SPTLC2: variants seen among roughly 807,000 people sequenced by gnomAD.
SPTLC2 encodes the protein serine palmitoyltransferase 2.
A neutral mutation model predicts 62.0 loss-of-function variants in SPTLC2; 21 were observed. The observed-to-expected ratio is 0.34, with a 90% confidence interval of 0.24 to 0.49. The LOEUF (loss-of-function observed/expected upper bound fraction) is 0.49. Ranked by LOEUF, SPTLC2 falls within the 20% of genes least tolerant of loss-of-function variation. The pLI is 0.99. For missense variants in SPTLC2, 511 were observed against 713.0 expected, an observed-to-expected ratio of 0.72 and a Z score of 3.23; for synonymous variants, 261 against 261.8, an observed-to-expected ratio of 1.00 and a Z score of 0.03.
intron 1 of SPTLC2, among the ~76,000 whole-genome samples, chr14:77,610,437 TG>T (rs1453413955): frequency 6.6e-6 from 1 of 152,082 alleles, no homozygotes; most frequent in Non-Finnish European, 1.5e-5. Flanking sequence ...CCACGGTACC[TG>T]GTCATATACC....
intron 1 of SPTLC2, among the ~76,000 whole-genome samples, chr14:77,615,680 T>A (rs2079962677): frequency 6.6e-6 from 1 of 152,202 alleles, no homozygotes; most frequent in South Asian, 2.1e-4. Flanking sequence ...TCAAAATATT[T>A]TAGAACTGCC....
At chr14:77,551,983 A>C in intron 9 of SPTLC2, 113 bp downstream of exon 9, 1 of 1,483,136 alleles carries the variant, frequency 6.7e-7, no homozygotes, top group South Asian at 1.2e-5. Flanking sequence ...CACACCAGCC[A>C]GCTCTGCCTA....
chr14:77,565,915 G>T (rs2079642479), intron 5 of SPTLC2, among the ~76,000 whole-genome samples: 1 of 151,842 alleles, frequency 6.6e-6, no homozygotes, highest in South Asian at 2.1e-4. Context: ...AACTCTTTTT[G>T]TAAGTCTAAA....
At chr14:77,576,939 A>G in intron 3 of SPTLC2, 24 bp from the exon 4 acceptor site, 1 of 1,613,994 alleles carries the variant, frequency 6.2e-7, no homozygotes, top group Non-Finnish European at 8.5e-7. Flanking sequence ...GCATAAAACA[A>G]TGAAACTCAT....
chr14:77,583,059 G>A (rs11623225), intron 2 of SPTLC2, among the ~76,000 whole-genome samples: 51,082 of 151,796 alleles, frequency 0.34, 9,409 homozygotes, highest in Non-Finnish European at 0.41. Flanking sequence ...AATTAGCCAG[G>A]TGTGGTGGCA....
chr14:77,564,713 T>C (rs945156402), intron 5 of SPTLC2, among the ~76,000 whole-genome samples: 4 of 151,820 alleles, frequency 2.6e-5, no homozygotes, highest in African/African-American at 9.7e-5. Context: ...AAAAAAAAGT[T>C]ATTATATATT....
At chr14:77,529,620 C>CTTTT (rs71452856) in intron 9 of SPTLC2, among the ~76,000 whole-genome samples, 97 of 76,038 alleles carry the variant, frequency 1.3e-3, no homozygotes, top group South Asian at 3.5e-3. Flanking sequence ...TTCTTTCTTT[C>CTTTT]TTTTTTTTTT....
chr14:77,506,200 C>G lies in SPTLC2; in HGVS notation c.*6084G>C, dbSNP rs2079304074. Reference sequence around the variant, plus strand: ...ATCATCATCTGGCAAAAAAGGGAAACAGGGTAAGAGAGAGTGACATTTTAA... The same window carrying G: ...ATCATCATCTGGCAAAAAAGGGAAAGAGGGTAAGAGAGAGTGACATTTTAA... On this transcript the variant is annotated 3_prime_UTR_variant, in exon 12 of 12. Transcript: ENST00000216484. 1.3e-5 allele frequency: 2 copies of G among 152,146 alleles called. No individual in the cohort carries two copies. Among genetic ancestry groups the G allele is most frequent in the South Asian group, 4.1e-4 (2 of 4,824 alleles). The allele number at this position is 152,146 out of a possible 1,614,324, so 9.4% of individuals were successfully genotyped here. A position where few individuals can be genotyped will look rare whatever the true frequency, so the allele number is the denominator to read the frequency against.
intron 6 of SPTLC2, among the ~76,000 whole-genome samples, chr14:77,558,747 G>A (rs2079599091): frequency 6.6e-6 from 1 of 151,654 alleles, no homozygotes; most frequent in Admixed American, 6.6e-5. Flanking sequence ...TCAGCCTCCT[G>A]AGTAGCTGGG....
chr14:77,525,421 T>C (rs1016342811), intron 9 of SPTLC2, among the ~76,000 whole-genome samples: 1 of 150,920 alleles, frequency 6.6e-6, no homozygotes, highest in Non-Finnish European at 1.5e-5. Flanking sequence ...AGAAATCCCA[T>C]CTCTACCAAA....
intron 9 of SPTLC2, among the ~76,000 whole-genome samples, chr14:77,533,767 C>A (rs1015310125): frequency 6.6e-6 from 1 of 152,114 alleles, no homozygotes; most frequent in Non-Finnish European, 1.5e-5. Context: ...CGTTTAGATT[C>A]GATAGCAAAA....
intron 9 of SPTLC2, among the ~76,000 whole-genome samples, chr14:77,529,837 G>A (rs910071063): frequency 6.6e-6 from 1 of 151,396 alleles, no homozygotes; most frequent in Non-Finnish European, 1.5e-5. Flanking sequence ...TGGCCAGGCT[G>A]GTCTCAAACT....
chr14:77,564,282 AG>A lies in SPTLC2; in HGVS notation c.757-1794del, dbSNP rs1272813528. ...GAGGAGGAGGAAGAGGAGGAAGAGG[AG>A]GAAAAGGAGGAAGAGGAGGAGAAGG... On this transcript the variant is annotated intron_variant, in intron 5 of 11. Coordinates refer to ENST00000216484, the MANE Select transcript of SPTLC2 (RefSeq NM_004863.4). Among the ~76,000 whole-genome samples the A allele has an allele frequency of 4.0e-5, 5 of 124,974 alleles. No homozygotes were observed. The Admixed American group carries it at 4.1e-4, about 10-fold the overall frequency. The allele number at this position is 124,974 out of a possible 152,430, so 82.0% of individuals were successfully genotyped here.
intron 1 of SPTLC2, among the ~76,000 whole-genome samples, chr14:77,613,784 T>A (rs1185266253): frequency 6.6e-6 from 1 of 152,186 alleles, no homozygotes; most frequent in African/African-American, 2.4e-5. Flanking sequence ...TTGGCAACAT[T>A]TCCCCCCCAG....
chr14:77,553,542 C>A (rs1393102063), intron 8 of SPTLC2, among the ~76,000 whole-genome samples: 2 of 151,818 alleles, frequency 1.3e-5, no homozygotes, highest in Non-Finnish European at 2.9e-5. Flanking sequence ...CCATCCTGGC[C>A]AACACGGTGA....
At chr14:77,586,056 C>T (rs868097002) in intron 2 of SPTLC2, among the ~76,000 whole-genome samples, 44 of 149,382 alleles carry the variant, frequency 2.9e-4, no homozygotes, top group Middle Eastern at 3.4e-3. Context: ...CAACGATGAA[C>T]GTGATAAATT....
intron 10 of SPTLC2, among the ~76,000 whole-genome samples, chr14:77,518,556 G>A (rs2079370305): frequency 6.8e-6 from 1 of 146,686 alleles, no homozygotes; most frequent in African/African-American, 2.6e-5. Context: ...AAGATCACAC[G>A]ACTGTACTCC....
At chr14:77,552,327 T>C (rs545131596) in intron 8 of SPTLC2, 105 bp from the exon 9 acceptor site, 8 of 1,327,042 alleles carry the variant, frequency 6.0e-6, no homozygotes, top group East Asian at 4.9e-5. Flanking sequence ...TCAATGGCAC[T>C]GGAATAGGGA....
chr14:77,554,397 C>T lies in SPTLC2; in HGVS notation c.1176+903G>A, dbSNP rs530819401. 5.3e-5 allele frequency among the ~76,000 whole-genome samples: 8 copies of T among 152,292 alleles called. No homozygotes were observed. The South Asian group carries it at 1.7e-3, about 32-fold the overall frequency. On this transcript the variant is annotated intron_variant, in intron 8 of 11. Coordinates refer to ENST00000216484, the MANE Select transcript of SPTLC2 (RefSeq NM_004863.4). ...TAACCCTGAAAGGAAACCTCATACC[C>T]ATTAGCATTCACTTTCCATTTCCCT...
Sources: gnomAD v4.1 joint callset for allele counts (sites outside exome capture counted in the v4.1 genomes callset) on GRCh38, gnomAD v4.1.1 for gene constraint, MANE v1.5 for transcripts, NCBI Gene and HGNC (gene_info 2026-07-23, HGNC 2026-07-21) for gene names.